Variants in FRK observed in about 807,000 individuals in gnomAD.
FRK encodes tyrosine-protein kinase FRK.
Under a neutral mutation model 56.4 loss-of-function variants are expected in FRK, and 51 were observed. That is an observed-to-expected ratio of 0.90 (90% CI 0.72 to 1.14). FRK has a LOEUF of 1.14. Ranked by LOEUF, FRK falls within the 50% of genes most tolerant of loss-of-function variation. The probability of loss-of-function intolerance (pLI) is 0.00; values close to 1 mark genes in which losing one functional copy is unlikely to be tolerated. For synonymous variants in FRK, 245 were observed against 217.9 expected (o/e 1.12, Z -1.10); for missense variants, 570 against 601.4 (o/e 0.95, Z 0.55).
chr6:115,958,463 A>G (rs928978382), intron 4 of FRK, among the ~76,000 whole-genome samples: 1 of 151,886 alleles, frequency 6.6e-6, no homozygotes, highest in Admixed American at 6.6e-5. Context: ...CCATGTCTCT[A>G]CTAAAAATAT....
intron 1 of FRK, among the ~76,000 whole-genome samples, chr6:116,020,616 C>T (rs1775841380): frequency 1.3e-5 from 2 of 152,148 alleles, no homozygotes; most frequent in Admixed American, 1.3e-4. Context: ...ACAAATTCTG[C>T]AAACATCATT....
intron 1 of FRK, among the ~76,000 whole-genome samples, chr6:116,056,084 C>T (rs1468321149): frequency 6.6e-6 from 1 of 152,150 alleles, no homozygotes; most frequent in Admixed American, 6.5e-5. Context: ...CCTACCAATC[C>T]CCTTTCTGGG....
At position 115,942,698 on chromosome 6, in the gene FRK, A is replaced by G. The variant is rs530350126; in HGVS notation, c.1307-73T>C. 2.2e-4 allele frequency: 277 copies of G among 1,259,944 alleles called. 1 individual carries two copies. Among genetic ancestry groups the G allele is most frequent in the African/African-American group, 1.7e-3 (115 of 67,084 alleles). 78.0% of individuals were successfully genotyped at this position (1,259,944 alleles called of 1,614,324 possible). A position where few individuals can be genotyped will look rare whatever the true frequency, so the allele number is the denominator to read the frequency against. On this transcript the variant is annotated intron_variant, in intron 7 of 7. Coordinates refer to ENST00000606080, the MANE Select transcript of FRK (RefSeq NM_002031.3). ...AGGTCAGAGTCTTAAACTTATAGCCATTTATACTCTAGGTTACTAAGTAAG... is the reference window on the plus strand; with the variant it reads ...AGGTCAGAGTCTTAAACTTATAGCCGTTTATACTCTAGGTTACTAAGTAAG...
chr6:115,943,123 C>A lies in FRK; in HGVS notation c.1203G>T (p.Ala401=). 3.1e-6 allele frequency: 5 copies of A among 1,613,134 alleles called. No individual in the cohort carries two copies. Among genetic ancestry groups the A allele is most frequent in the Non-Finnish European group, 4.2e-6 (5 of 1,179,514 alleles). ...ATTTATTACTACGAATGGCTTCGGG[C>A]GCAGTCCACTTCACCGGCAGCTTTA... The part of the protein sequence containing the change: ...HEIKLPVKWT[A]PEAIRSNKFS... The change falls in exon 7 of 8, where the codon GCG becomes GCT. Residue 401 remains alanine, a synonymous_variant. Transcript: ENST00000606080.
intron 2 of FRK, among the ~76,000 whole-genome samples, chr6:115,974,876 A>G (rs1023036533): frequency 6.6e-6 from 1 of 152,014 alleles, no homozygotes; most frequent in Non-Finnish European, 1.5e-5. Flanking sequence ...CCTTTCTATC[A>G]CATAAACCTG....
chr6:116,027,850 G>T (rs1029102792), intron 1 of FRK, among the ~76,000 whole-genome samples: 1 of 151,594 alleles, frequency 6.6e-6, no homozygotes, highest in African/African-American at 2.4e-5. Flanking sequence ...AAAAAAAAAG[G>T]CTGATATATA....
chr6:116,025,529 A>T lies in FRK; in HGVS notation c.345-21531T>A, dbSNP rs755968821. 5.9e-5 allele frequency among the ~76,000 whole-genome samples: 9 copies of T among 152,184 alleles called. No homozygotes were observed. The East Asian group carries it at 7.7e-4, about 13-fold the overall frequency. On this transcript the variant is annotated intron_variant, in intron 1 of 7. Transcript: ENST00000606080. Reference sequence around the variant, plus strand: ...TCCTGCCACTGATGGTGAAATCATCATGAACTTATACCTAGACCATAAATA... The same window carrying T: ...TCCTGCCACTGATGGTGAAATCATCTTGAACTTATACCTAGACCATAAATA...
chr6:116,052,748 C>G (rs1464094526), intron 1 of FRK, among the ~76,000 whole-genome samples: 1 of 152,042 alleles, frequency 6.6e-6, no homozygotes, highest in African/African-American at 2.4e-5. Flanking sequence ...AAGACCAAGG[C>G]TGCAGGTGAG....
chr6:115,982,714 A>G (rs954464537), intron 2 of FRK, among the ~76,000 whole-genome samples: 3 of 152,104 alleles, frequency 2.0e-5, no homozygotes, highest in African/African-American at 4.8e-5. Flanking sequence ...ACACATTCCA[A>G]TGAAAGATGG....
At chr6:115,948,814 T>C (rs779084526) in intron 5 of FRK, among the ~76,000 whole-genome samples, 1 of 152,178 alleles carries the variant, frequency 6.6e-6, no homozygotes, top group Non-Finnish European at 1.5e-5. Context: ...TGTGCAGCAA[T>C]AGAAAACTAA....
intron 2 of FRK, among the ~76,000 whole-genome samples, chr6:115,981,893 A>G (rs1774212650): frequency 6.6e-6 from 1 of 152,038 alleles, no homozygotes; most frequent in South Asian, 2.1e-4. Context: ...AGATAGCTCT[A>G]TTTCTTGGAA....
At position 115,942,425 on chromosome 6, in the gene FRK, A is replaced by C; in HGVS notation, c.1507T>G (p.Phe503Val). The change falls in exon 8 of 8, where the codon TTC (phenylalanine) becomes GTC (valine). Residue 503 changes from phenylalanine to valine, a missense_variant. By Grantham distance (50) the Phe-to-Val change is conservative. Coordinates refer to ENST00000606080, the MANE Select transcript of FRK (RefSeq NM_002031.3). ...TDSSYSDANNFIR is the reference protein window; with the variant it reads ...TDSSYSDANNVIR ...TTCTTCTCCAGTGTTCATCTTATGAAGTTATTTGCATCTGAATATGAAGAG... is the reference window on the plus strand; with the variant it reads ...TTCTTCTCCAGTGTTCATCTTATGACGTTATTTGCATCTGAATATGAAGAG... The C allele has an allele frequency of 6.2e-7, 1 of 1,611,346 alleles. No individual in the cohort carries two copies. Among genetic ancestry groups the C allele is most frequent in the Non-Finnish European group, 8.5e-7 (1 of 1,177,664 alleles).
At chr6:116,003,765 G>C in intron 2 of FRK, 112 bp downstream of exon 2, 1 of 1,211,604 alleles carries the variant, frequency 8.3e-7, no homozygotes, top group Non-Finnish European at 1.2e-6. Context: ...TGGTGCTACT[G>C]TAAAGATAAG....
At chr6:115,978,958 T>C (rs550617331) in intron 2 of FRK, among the ~76,000 whole-genome samples, 1 of 150,510 alleles carries the variant, frequency 6.6e-6, no homozygotes, top group African/African-American at 2.4e-5. Flanking sequence ...GAGGATGAAG[T>C]GGAAGGATCA....
the FRK span, among the ~76,000 whole-genome samples, chr6:116,088,110 C>G: frequency 6.6e-6 from 1 of 152,154 alleles, no homozygotes; most frequent in East Asian, 1.9e-4. Context: ...AGAATTGAAC[C>G]ACCGTTGCCT....
At chr6:115,978,445 T>A (rs1774067375) in intron 2 of FRK, among the ~76,000 whole-genome samples, 2 of 152,170 alleles carry the variant, frequency 1.3e-5, no homozygotes, top group Non-Finnish European at 2.9e-5. Context: ...TACATAGATA[T>A]CTTCAGATGC....
At chr6:115,954,192 G>T (rs1772900501) in intron 5 of FRK, among the ~76,000 whole-genome samples, 1 of 152,162 alleles carries the variant, frequency 6.6e-6, no homozygotes, top group Non-Finnish European at 1.5e-5. Context: ...AGCATGCCTG[G>T]ATGGTAGGAC....
intron 1 of FRK, among the ~76,000 whole-genome samples, chr6:116,047,447 G>C (rs1325013815): frequency 1.4e-5 from 2 of 146,320 alleles, no homozygotes; most frequent in Non-Finnish European, 3.0e-5. Flanking sequence ...GCCCAGGCTG[G>C]AGTGCAGTGG....
intron 1 of FRK, among the ~76,000 whole-genome samples, chr6:116,058,863 A>C (rs1239847018): frequency 2.7e-5 from 4 of 148,486 alleles, no homozygotes; most frequent in African/African-American, 5.0e-5. Flanking sequence ...GTGAGCCGAG[A>C]TCGCGCCACT....
Sources: gnomAD v4.1 joint callset for allele counts (sites outside exome capture counted in the v4.1 genomes callset) on GRCh38, gnomAD v4.1.1 for gene constraint, MANE v1.5 for transcripts, NCBI Gene and HGNC (gene_info 2026-07-23, HGNC 2026-07-21) for gene names.